Variants in DNAJC1 observed in about 807,000 individuals in gnomAD.
DNAJC1 encodes the protein DnaJ heat shock protein family (Hsp40) member C1.
In DNAJC1, 58 loss-of-function variants were observed where a neutral mutation model predicts 76.6. That is an observed-to-expected ratio of 0.76 (90% confidence interval 0.61 to 0.94). The LOEUF (loss-of-function observed/expected upper bound fraction) is 0.94. Ranked by LOEUF, DNAJC1 falls within the 40% of genes least tolerant of loss-of-function variation. The pLI, the probability that DNAJC1 is intolerant of heterozygous loss-of-function variation, is 0.00. For synonymous variants in DNAJC1, 258 were observed against 267.9 expected, an observed-to-expected ratio of 0.96 and a Z score of 0.36; for missense variants, 689 against 677.3, an observed-to-expected ratio of 1.02 and a Z score of -0.19.
rs375624949 is a variant in DNAJC1 at position 21,759,151 on chromosome 10, C to T, written c.1596+19G>A. On this transcript the variant is annotated intron_variant, in intron 11 of 11. Transcript: ENST00000376980. ...GGGATTCTAACACCTGTGCAGAGGC[C>T]TCTTTCCCCATCACTCACCTTGCTC... 5.6e-6 allele frequency: 9 copies of T among 1,604,160 alleles called. No individual in the cohort carries two copies. The highest frequency in any genetic ancestry group is 4.5e-5 in the East Asian group (2 of 44,798).
At chr10:21,953,014 T>C (rs982982521) in intron 1 of DNAJC1, among the ~76,000 whole-genome samples, 47 of 152,340 alleles carry the variant, frequency 3.1e-4, no homozygotes, top group African/African-American at 1.1e-3. Context: ...ATTAACATCA[T>C]ATTTCTACTA....
At chr10:21,966,939 G>A (rs1285143573) in intron 1 of DNAJC1, among the ~76,000 whole-genome samples, 7 of 151,266 alleles carry the variant, frequency 4.6e-5, no homozygotes, top group Admixed American at 1.3e-4. Flanking sequence ...CACCTGCCTC[G>A]GCCTCCCAAA....
At chr10:21,938,086 C>T (rs186685975) in intron 1 of DNAJC1, among the ~76,000 whole-genome samples, 26 of 152,108 alleles carry the variant, frequency 1.7e-4, no homozygotes, top group Admixed American at 1.5e-3. Flanking sequence ...GGTTTCATTA[C>T]CCGTTAGATA....
chr10:21,783,502 AT>A (rs1834561562), intron 9 of DNAJC1, among the ~76,000 whole-genome samples: 1 of 152,208 alleles, frequency 6.6e-6, no homozygotes, highest in African/African-American at 2.4e-5. Flanking sequence ...ATTCAATGCC[AT>A]CCCCATCAAG....
chr10:21,802,636 C>T (rs920318085), intron 9 of DNAJC1, among the ~76,000 whole-genome samples: 9 of 152,104 alleles, frequency 5.9e-5, no homozygotes, highest in Admixed American at 5.2e-4. Flanking sequence ...TTGCTGCCTA[C>T]CTGGGCCTTT....
At chr10:21,901,759 C>T (rs1224331438) in intron 7 of DNAJC1, among the ~76,000 whole-genome samples, 13 of 152,038 alleles carry the variant, frequency 8.6e-5, no homozygotes, top group Admixed American at 8.5e-4. Context: ...AAACAGGCAG[C>T]ATAAAACAGC....
At chr10:21,860,489 G>A (rs1305959770) in intron 8 of DNAJC1, among the ~76,000 whole-genome samples, 2 of 151,970 alleles carry the variant, frequency 1.3e-5, no homozygotes, top group African/African-American at 2.4e-5. Flanking sequence ...TCAGGAGTTC[G>A]AGACCAGCCT....
At chr10:21,961,055 A>G (rs1209903700) in intron 1 of DNAJC1, among the ~76,000 whole-genome samples, 1 of 152,218 alleles carries the variant, frequency 6.6e-6, no homozygotes. Flanking sequence ...TACAATCATT[A>G]TAATTTTTAA....
chr10:21,944,797 ATGT>A (rs1837477347), intron 1 of DNAJC1, among the ~76,000 whole-genome samples: 1 of 152,230 alleles, frequency 6.6e-6, no homozygotes, highest in African/African-American at 2.4e-5. Flanking sequence ...GAAAGAAAAA[ATGT>A]TGTGAGAACT....
intron 6 of DNAJC1, among the ~76,000 whole-genome samples, chr10:21,907,310 GTT>G (rs559876011): frequency 1.4e-5 from 2 of 141,108 alleles, no homozygotes; most frequent in Non-Finnish European, 1.6e-5. Context: ...CATTCCTCAT[GTT>G]TTTTTTTTTT....
intron 1 of DNAJC1, among the ~76,000 whole-genome samples, chr10:21,952,494 A>G (rs1837614897): frequency 6.6e-6 from 1 of 152,182 alleles, no homozygotes; most frequent in Admixed American, 6.6e-5. Flanking sequence ...GTGGTGGCTC[A>G]TGCCTGTAAT....
intron 8 of DNAJC1, among the ~76,000 whole-genome samples, chr10:21,874,025 G>T (rs2131712388): frequency 6.6e-6 from 1 of 152,312 alleles, no homozygotes; most frequent in African/African-American, 2.4e-5. Context: ...CACAGCAGCT[G>T]TAACATAGCC....
intron 10 of DNAJC1, among the ~76,000 whole-genome samples, chr10:21,760,629 C>A (rs929452937): frequency 3.3e-5 from 5 of 152,236 alleles, no homozygotes; most frequent in Non-Finnish European, 5.9e-5. Flanking sequence ...ATTATATAAA[C>A]CACTTGGTGT....
intron 1 of DNAJC1, among the ~76,000 whole-genome samples, chr10:21,956,465 T>C (rs1837684669): frequency 6.6e-6 from 1 of 151,998 alleles, no homozygotes; most frequent in Admixed American, 6.6e-5. Context: ...GTTAATAGAT[T>C]AAATAAGAGG....
At chr10:21,829,604 G>A (rs1416123061) in intron 8 of DNAJC1, among the ~76,000 whole-genome samples, 3 of 152,096 alleles carry the variant, frequency 2.0e-5, no homozygotes, top group Admixed American at 6.5e-5. Context: ...CACCTGCCTC[G>A]GCCTCCCCAA....
intron 8 of DNAJC1, among the ~76,000 whole-genome samples, chr10:21,819,782 T>C (rs1564797109): frequency 6.6e-6 from 1 of 151,780 alleles, no homozygotes; most frequent in East Asian, 1.9e-4. Flanking sequence ...ATACAAAAAT[T>C]AGCAGGGCAT....
At chr10:21,938,385 T>C (rs1837348847) in intron 1 of DNAJC1, among the ~76,000 whole-genome samples, 1 of 152,086 alleles carries the variant, frequency 6.6e-6, no homozygotes, top group Non-Finnish European at 1.5e-5. Context: ...AACCTAACTT[T>C]ATACCTTCCA....
At chr10:21,833,129 G>A (rs1309277974) in intron 8 of DNAJC1, among the ~76,000 whole-genome samples, 1 of 152,168 alleles carries the variant, frequency 6.6e-6, no homozygotes, top group Admixed American at 6.6e-5. Context: ...TGCTTATTTA[G>A]CTCTTTGTCT....
At chr10:21,866,028 G>C (rs1266531823) in intron 8 of DNAJC1, 1 of 151,378 alleles carries the variant, frequency 6.6e-6, no homozygotes, top group Non-Finnish European at 1.5e-5. Context: ...TCAGCTACTC[G>C]AGAGAATGAG....
Sources: gnomAD v4.1 joint callset for allele counts (sites outside exome capture counted in the v4.1 genomes callset) on GRCh38, gnomAD v4.1.1 for gene constraint, MANE v1.5 for transcripts, NCBI Gene and HGNC (gene_info 2026-07-23, HGNC 2026-07-21) for gene names.